PLPBP: variants seen among roughly 807,000 people sequenced by gnomAD.
PLPBP encodes pyridoxal phosphate binding protein.
PLPBP carries 21 observed loss-of-function variants against 31.2 expected under a neutral mutation model. That is an observed-to-expected ratio of 0.67 (90% CI 0.48 to 0.97). The LOEUF (loss-of-function observed/expected upper bound fraction) is 0.97. PLPBP is among the 50% of genes least tolerant of loss of function. The probability of loss-of-function intolerance (pLI) is 0.00; values close to 1 mark genes in which losing one functional copy is unlikely to be tolerated. For synonymous variants in PLPBP, 124 were observed against 135.6 expected, an observed-to-expected ratio of 0.91 and a Z score of 0.59; for missense variants, 308 against 354.4, an observed-to-expected ratio of 0.87 and a Z score of 1.05.
chr8:37,766,865 G>A (rs1803643512), intron 4 of PLPBP: 1 of 161,258 alleles, frequency 6.2e-6, no homozygotes, highest in Non-Finnish European at 1.3e-5. Flanking sequence ...CCAACATGGT[G>A]AAACCCCAAC....
chr8:37,775,623 CA>C (rs1803882251), intron 6 of PLPBP, 142 bp downstream of exon 6: 9 of 1,314,996 alleles, frequency 6.8e-6, no homozygotes, highest in Non-Finnish European at 8.3e-6. Context: ...GAACTCTTCT[CA>C]GAAGGAAAAG....
chr8:37,771,937 G>A, intron 4 of PLPBP, among the ~76,000 whole-genome samples: 1 of 152,198 alleles, frequency 6.6e-6, no homozygotes, highest in East Asian at 1.9e-4. Context: ...TCTAGCCTGG[G>A]CGACAGAGCG....
At chr8:37,772,930 G>A in intron 5 of PLPBP, 41 bp downstream of exon 5, 3 of 1,610,916 alleles carry the variant, frequency 1.9e-6, no homozygotes, top group Non-Finnish European at 2.5e-6. Context: ...TCTTCCTTTA[G>A]GATGGTTGAA....
intron 7 of PLPBP, 42 bp downstream of exon 7, chr8:37,776,058 G>A: frequency 6.4e-7 from 1 of 1,561,900 alleles, no homozygotes; most frequent in Non-Finnish European, 8.8e-7. Context: ...GAGGGGTGGG[G>A]GTAGGGGGTC....
chr8:37,775,566 G>T, intron 6 of PLPBP, 85 bp downstream of exon 6: 1 of 1,568,840 alleles, frequency 6.4e-7, no homozygotes, highest in South Asian at 1.2e-5. Flanking sequence ...AGTGGGGATT[G>T]CAGAGTCATC....
Position 37,775,998 on chromosome 8 carries a change from C to G in PLPBP, c.678C>G (p.Ser226=). 1.9e-6 allele frequency: 3 copies of G among 1,613,726 alleles called. No individual in the cohort carries two copies. The highest frequency in any genetic ancestry group is 2.2e-5 in the South Asian group (2 of 91,068). The change falls in exon 7 of 8, where the codon TCC becomes TCG. Residue 226 remains serine (S), a synonymous_variant. Coordinates refer to ENST00000328195, the MANE Select transcript of PLPBP (RefSeq NM_007198.4). The part of the protein sequence containing the change: ...ADQVELSMGM[S]ADFQHAVEVG... ...AGGTTGAGCTGAGCATGGGCATGTCCGCGGATTTCCAGCATGCGGTGAGTG... is the reference window on the plus strand; with the variant it reads ...AGGTTGAGCTGAGCATGGGCATGTCGGCGGATTTCCAGCATGCGGTGAGTG...
At chr8:37,768,056 C>T (rs952098222) in intron 4 of PLPBP, among the ~76,000 whole-genome samples, 3 of 152,124 alleles carry the variant, frequency 2.0e-5, no homozygotes, top group Admixed American at 6.5e-5. Flanking sequence ...CCACCCGCCT[C>T]AGCCTCCGAA....
intron 4 of PLPBP, among the ~76,000 whole-genome samples, chr8:37,767,315 C>T (rs1803658953): frequency 3.3e-5 from 5 of 152,178 alleles, no homozygotes; most frequent in Admixed American, 2.0e-4. Context: ...TAAAAGTTTC[C>T]TCCTGTCCCT....
In PLPBP at chr8:37,779,641, TTA is replaced by T. The variant is rs1188598069; in HGVS notation, c.*1539_*1540del. On this transcript the variant is annotated 3_prime_UTR_variant, in exon 8 of 8. Transcript: ENST00000328195. ...AAATGTACTTTTGTAAACTTAAACATTATGATTCCTGTATTATTTCAGTGAGA... is the reference window on the plus strand; with the variant it reads ...AAATGTACTTTTGTAAACTTAAACATTGATTCCTGTATTATTTCAGTGAGA... 1 of 152,688 alleles carries T rather than the reference TTA, an allele frequency of 6.5e-6. No homozygotes were observed. Among genetic ancestry groups the T allele is most frequent in the Non-Finnish European group, 1.5e-5 (1 of 68,052 alleles). The allele number at this position is 152,688 out of a possible 1,614,324, so 9.5% of individuals were successfully genotyped here. A position where few individuals can be genotyped will look rare whatever the true frequency, so the allele number is the denominator to read the frequency against.
In PLPBP at chr8:37,765,490, A is replaced by G. The variant is rs368064995; in HGVS notation, c.100-36A>G. On this transcript the variant is annotated intron_variant, in intron 1 of 7. Coordinates refer to ENST00000328195, the MANE Select transcript of PLPBP (RefSeq NM_007198.4). ...TGGGATTCATTGGGGTACTGTTCCC[A>G]AACATTCACTCATATGGCTCTTTCC... 9.2e-4 allele frequency: 1,459 copies of G among 1,588,086 alleles called. 9 individuals carry two copies. The highest frequency in any genetic ancestry group is 3.7e-3 in the Middle Eastern group (18 of 4,854).
chr8:37,768,391 A>G (rs537333675), intron 4 of PLPBP, among the ~76,000 whole-genome samples: 3 of 152,004 alleles, frequency 2.0e-5, no homozygotes, highest in Non-Finnish European at 4.4e-5. Context: ...AAAGAGTTAT[A>G]GCTTATAAGT....
At chr8:37,764,197 G>A (rs1803561388) in intron 1 of PLPBP, among the ~76,000 whole-genome samples, 1 of 151,950 alleles carries the variant, frequency 6.6e-6, no homozygotes, top group African/African-American at 2.4e-5. Context: ...CCACCTCCCG[G>A]GTTCACGCAA....
chr8:37,778,008 C>T lies in PLPBP; in HGVS notation c.732C>T (p.Ser244=). The change falls in exon 8 of 8, where the codon AGC becomes AGT. Residue 244 remains serine, a synonymous_variant. Coordinates refer to ENST00000328195, the MANE Select transcript of PLPBP (RefSeq NM_007198.4). ...GATCTACAAATGTCCGAATAGGAAG[C>T]ACGATTTTTGGAGAGCGGGATTACT... ...EVGSTNVRIG[S]TIFGERDYSK... is the part of the protein sequence containing the mutation. 1 of 1,613,552 alleles carries T rather than the reference C, an allele frequency of 6.2e-7. No homozygotes were observed. The highest frequency in any genetic ancestry group is 8.5e-7 in the Non-Finnish European group (1 of 1,179,584).
In PLPBP at chr8:37,775,416, G is replaced by T. The variant is rs1316908768; in HGVS notation, c.532G>T (p.Val178Leu). ...INAKCPNLEF[V>L]GLMTIGSFGH... ...CGCCAAGTGTCCTAACCTGGAGTTTGTGGGGCTGATGACCATAGGAAGCTT... is the reference window on the plus strand; with the variant it reads ...CGCCAAGTGTCCTAACCTGGAGTTTTTGGGGCTGATGACCATAGGAAGCTT... Residue 178 changes from valine to leucine, a missense_variant, in exon 6 of 8, where the codon GTG becomes TTG. This residue lies in a region of PLPBP where 188 missense variants were observed against 259.3 expected (regional missense o/e 0.73). Coordinates refer to ENST00000328195, the MANE Select transcript of PLPBP (RefSeq NM_007198.4). 3 of 1,614,230 alleles carry T rather than the reference G, an allele frequency of 1.9e-6. No individual in the cohort carries two copies. Among genetic ancestry groups the T allele is most frequent in the Admixed American group, 1.7e-5 (1 of 60,022 alleles).
rs1395425150 is a variant in PLPBP, at chr8:37,765,166, G to A, written c.100-360G>A. On this transcript the variant is annotated intron_variant, in intron 1 of 7. Transcript: ENST00000328195. ...GCACTCCAGCCTGGGCAACAAGAGT[G>A]AAACTCTGTCTCAAAAAAAAAGGAA... Among the ~76,000 whole-genome samples, 8 of 152,244 alleles carry A rather than the reference G, an allele frequency of 5.3e-5. No homozygotes were observed. The Middle Eastern group carries it at 0.01, about 194-fold the overall frequency.
rs561946614 is a variant in PLPBP at position 37,771,329 on chromosome 8, A to G, written c.320-1426A>G. Among the ~76,000 whole-genome samples, 1,096 of 151,740 alleles carry G rather than the reference A, an allele frequency of 7.2e-3. 9 individuals carry two copies. Among genetic ancestry groups the G allele is most frequent in the African/African-American group, 0.025 (1,049 of 41,390 alleles). ...TTTTTTTTGTATTTTTAATAGAGAC[A>G]GGGTTTCACCATGTTGGCCAAATGG... On this transcript the variant is annotated intron_variant, in intron 4 of 7. Transcript: ENST00000328195.
chr8:37,769,379 T>C (rs1803716400), intron 4 of PLPBP, among the ~76,000 whole-genome samples: 1 of 151,456 alleles, frequency 6.6e-6, no homozygotes, highest in Admixed American at 6.6e-5. Context: ...AAAGAACAAC[T>C]AGCAGATTTG....
chr8:37,766,997 A>G (rs929184711), intron 4 of PLPBP, among the ~76,000 whole-genome samples: 13 of 149,234 alleles, frequency 8.7e-5, no homozygotes, highest in African/African-American at 3.0e-4. Context: ...CAGTGATCCA[A>G]GATCACGCCA....
chr8:37,768,544 C>T (rs982792171), intron 4 of PLPBP, among the ~76,000 whole-genome samples: 1 of 142,064 alleles, frequency 7.0e-6, no homozygotes, highest in Non-Finnish European at 1.5e-5. Context: ...GCGATCTCAG[C>T]TTTCTGCAAC....
Sources: gnomAD v4.1 joint callset for allele counts (sites outside exome capture counted in the v4.1 genomes callset) on GRCh38, gnomAD v4.1.1 for gene constraint, gnomAD v4.1.1 regional missense constraint, MANE v1.5 for transcripts, NCBI Gene and HGNC (gene_info 2026-07-23, HGNC 2026-07-21) for gene names.